RPS6KA2: variants seen among roughly 807,000 people sequenced by gnomAD.
RPS6KA2 encodes the protein ribosomal protein S6 kinase A2.
In RPS6KA2, 42 loss-of-function variants were observed where a neutral mutation model predicts 91.8. The observed-to-expected ratio is 0.46, with a 90% CI of 0.36 to 0.59. The LOEUF is 0.59. Among genes scored for constraint, RPS6KA2 ranks in the 20% least tolerant of loss-of-function variants. RPS6KA2 has a pLI of 0.00. For missense variants in RPS6KA2, 798 were observed against 978.5 expected (o/e 0.82, Z 2.46); for synonymous variants, 414 against 393.6 (o/e 1.05, Z -0.61).
rs898602689 is a variant in RPS6KA2 at position 166,500,414 on chromosome 6, C to T, written c.604+473G>A. On this transcript the variant is annotated intron_variant, in intron 7 of 20. Coordinates refer to ENST00000265678, the MANE Select transcript of RPS6KA2 (RefSeq NM_021135.6). This position sits in a 1 kb window ranked among gnomAD's most constrained non-coding sequence, Gnocchi z 4.3. ...AACAGGGAGGGAAGTCACGTGGCCACCACCACGGTCCAGGGAGTGAGAAGG... is the reference window on the plus strand; with the variant it reads ...AACAGGGAGGGAAGTCACGTGGCCATCACCACGGTCCAGGGAGTGAGAAGG... Among the ~76,000 whole-genome samples, 57 of 152,088 alleles carry T rather than the reference C, an allele frequency of 3.7e-4. No individual in the cohort carries two copies. The highest frequency in any genetic ancestry group is 1.4e-3 in the African/African-American group (57 of 41,424).
At chr6:166,596,233 C>T (rs1785528962) in intron 1 of RPS6KA2, among the ~76,000 whole-genome samples, 1 of 152,266 alleles carries the variant, frequency 6.6e-6, no homozygotes, top group East Asian at 1.9e-4. Context: ...AGTTTATGGT[C>T]AATAATACTC....
chr6:166,645,863 C>T (rs972180634), intron 2 of RPS6KA2, among the ~76,000 whole-genome samples: 20 of 152,170 alleles, frequency 1.3e-4, no homozygotes, highest in Non-Finnish European at 2.6e-4. Context: ...ATTTTGCCTC[C>T]CAATGGATAT....
intron 2 of RPS6KA2, among the ~76,000 whole-genome samples, chr6:166,671,593 A>C (rs1033046733): frequency 6.6e-6 from 1 of 152,166 alleles, no homozygotes; most frequent in East Asian, 1.9e-4. Context: ...AAGACTCAAC[A>C]CAGCCTCAGA....
At chr6:166,573,463 TG>T (rs1784749723) in intron 1 of RPS6KA2, among the ~76,000 whole-genome samples, 1 of 152,240 alleles carries the variant, frequency 6.6e-6, no homozygotes, top group African/African-American at 2.4e-5. Context: ...GAAGACGTAC[TG>T]CTGTCTATGT....
chr6:166,693,488 C>T (rs554317774), intron 2 of RPS6KA2, among the ~76,000 whole-genome samples: 54 of 152,330 alleles, frequency 3.5e-4, no homozygotes, highest in Middle Eastern at 6.8e-3. Context: ...GCGCCTCCAT[C>T]GCAAAGCCCC....
chr6:166,634,266 G>A (rs1281865575), intron 2 of RPS6KA2, among the ~76,000 whole-genome samples: 1 of 152,210 alleles, frequency 6.6e-6, no homozygotes, highest in African/African-American at 2.4e-5. Context: ...AGTGGCCACA[G>A]TGATGGAGAG....
intron 2 of RPS6KA2, among the ~76,000 whole-genome samples, chr6:166,802,250 A>G (rs1393207833): frequency 5.3e-5 from 8 of 151,856 alleles, no homozygotes; most frequent in Non-Finnish European, 1.0e-4. Flanking sequence ...AGCCTGGGCA[A>G]CAGAGTGAGA....
rs985179716 is a variant in RPS6KA2 at position 166,437,555 on chromosome 6, C to A, written c.1333-5065G>T. On this transcript the variant is annotated intron_variant, in intron 14 of 20. Coordinates refer to ENST00000265678, the MANE Select transcript of RPS6KA2 (RefSeq NM_021135.6). This position sits in a 1 kb window ranked among gnomAD's most constrained non-coding sequence, Gnocchi z 4.3. Reference sequence around the variant, plus strand: ...CCTACAACCTCCAGAGAAGGGCATTCTCCAGGGGTTGGCCACCCACCACAG... The same window carrying A: ...CCTACAACCTCCAGAGAAGGGCATTATCCAGGGGTTGGCCACCCACCACAG... Among the ~76,000 whole-genome samples the A allele has an allele frequency of 3.9e-5, 6 of 152,222 alleles. No individual in the cohort carries two copies. Among genetic ancestry groups the A allele is most frequent in the Admixed American group, 3.9e-4 (6 of 15,286 alleles).
chr6:166,737,640 C>A lies in RPS6KA2; in HGVS notation c.123+120560G>T, dbSNP rs1195860502. 2.0e-5 allele frequency among the ~76,000 whole-genome samples: 3 copies of A among 152,160 alleles called. No homozygotes were observed. Among genetic ancestry groups the A allele is most frequent in the Non-Finnish European group, 4.4e-5 (3 of 68,024 alleles). The stretch of plus-strand genomic sequence containing the variant: ...AGCTTCTAAGACATTCACTGAGGGG[C>A]CCCTCCCAGCTTTCCAGGCTAACGT... On this transcript the variant is annotated intron_variant, in intron 2 of 21. Transcript: ENST00000503859. This position sits in a 1 kb window ranked among gnomAD's most constrained non-coding sequence, Gnocchi z 4.3.
chr6:166,698,131 T>C (rs1214889536), intron 2 of RPS6KA2, among the ~76,000 whole-genome samples: 2 of 152,178 alleles, frequency 1.3e-5, no homozygotes, highest in African/African-American at 4.8e-5. Context: ...TAGGAAATGC[T>C]GGGGCATATT....
At chr6:166,786,803 T>C (rs1262493327) in intron 2 of RPS6KA2, among the ~76,000 whole-genome samples, 2 of 152,210 alleles carry the variant, frequency 1.3e-5, no homozygotes, top group Non-Finnish European at 2.9e-5. Context: ...AGTTCAGGTG[T>C]TTTATGCTTA....
At chr6:166,487,671 G>A (rs1394900063) in intron 10 of RPS6KA2, among the ~76,000 whole-genome samples, 2 of 152,248 alleles carry the variant, frequency 1.3e-5, no homozygotes, top group Admixed American at 1.3e-4. Flanking sequence ...TGGATTAGAA[G>A]TTGGATGTAA....
rs892301857 is a variant in RPS6KA2, at chr6:166,423,131, C to T, written c.1743+125G>A. 1.1e-6 allele frequency: 1 copy of T among 943,778 alleles called. No homozygotes were observed. The highest frequency in any genetic ancestry group is 1.5e-6 in the Non-Finnish European group (1 of 645,300). The allele number at this position is 943,778 out of a possible 1,614,324, so 58.5% of individuals were successfully genotyped here. A position where few individuals can be genotyped will look rare whatever the true frequency, so the allele number is the denominator to read the frequency against. On this transcript the variant is annotated intron_variant, in intron 17 of 20. Coordinates refer to ENST00000265678, the MANE Select transcript of RPS6KA2 (RefSeq NM_021135.6). This position sits in a 1 kb window ranked among gnomAD's most constrained non-coding sequence, Gnocchi z 4.8. ...GAAGGTTCTCGTTTCTGTTTCCCAA[C>T]ACCACTGCTGACGCAGCTCAAGCCG...
At position 166,533,391 on chromosome 6, in the gene RPS6KA2, G is replaced by A. The variant is rs752711231; in HGVS notation, c.217-2078C>T. Among the ~76,000 whole-genome samples the A allele has an allele frequency of 2.6e-5, 4 of 152,256 alleles. No homozygotes were observed. The highest frequency in any genetic ancestry group is 5.9e-5 in the Non-Finnish European group (4 of 68,050). On this transcript the variant is annotated intron_variant, in intron 2 of 20. Transcript: ENST00000265678. This position sits in a 1 kb window ranked among gnomAD's most constrained non-coding sequence, Gnocchi z 4.0. ...AGGCTGCGTGAGCGTCCCGGTGCCG[G>A]AGAGGCCGCACTGGCAGAGAGGAAC... is the stretch of plus-strand genomic sequence containing the variant.
Position 166,731,626 on chromosome 6 carries a change from G to C in RPS6KA2, c.123+126574C>G, listed in dbSNP as rs192410057. On this transcript the variant is annotated intron_variant, in intron 2 of 21. Coordinates refer to the RPS6KA2 transcript ENST00000503859. ...AGCAGGACAGAGCACACAGCCCCCG[G>C]CATCTCCTGCTTGAGTCGCTCCATT... Among the ~76,000 whole-genome samples, 628 of 152,040 alleles carry C rather than the reference G, an allele frequency of 4.1e-3. 4 individuals are homozygous for C. Among genetic ancestry groups the C allele is most frequent in the African/African-American group, 0.015 (605 of 41,454 alleles).
At chr6:166,498,340 G>C (rs1781871758) in intron 8 of RPS6KA2, among the ~76,000 whole-genome samples, 168 bp downstream of exon 8, 1 of 152,252 alleles carries the variant, frequency 6.6e-6, no homozygotes, top group Admixed American at 6.5e-5. Flanking sequence ...GGGGATGTGG[G>C]ATGGGGAGGA....
chr6:166,853,462 G>A (rs570741260), intron 2 of RPS6KA2, among the ~76,000 whole-genome samples: 3 of 152,218 alleles, frequency 2.0e-5, no homozygotes, highest in African/African-American at 4.8e-5. Flanking sequence ...CCTCTGTGCC[G>A]TGGAAGTGGA....
At position 166,410,525 on chromosome 6, in the gene RPS6KA2, TCTC is replaced by T. The variant is rs1229026965; in HGVS notation, c.*2234_*2236del. Reference sequence around the variant, plus strand: ...CAGCGGAGCAGGGCCAAGCCAGTGTTCTCCTCCGCTGATGCACATCAAATACAT... The same window carrying T: ...CAGCGGAGCAGGGCCAAGCCAGTGTTCTCCGCTGATGCACATCAAATACAT... On this transcript the variant is annotated 3_prime_UTR_variant, in exon 21 of 21. Coordinates refer to ENST00000265678, the MANE Select transcript of RPS6KA2 (RefSeq NM_021135.6). The T allele has an allele frequency of 2.0e-5, 3 of 152,380 alleles. No individual in the cohort carries two copies. The highest frequency in any genetic ancestry group is 2.0e-4 in the Admixed American group (3 of 15,256). 9.4% of individuals were successfully genotyped at this position (152,380 alleles called of 1,614,324 possible).
At chr6:166,430,409 G>A in intron 16 of RPS6KA2, 44 bp downstream of exon 16, 2 of 1,571,152 alleles carry the variant, frequency 1.3e-6, no homozygotes, top group Non-Finnish European at 8.7e-7. Flanking sequence ...TTCCTGCCCT[G>A]AAGCTCCCTC....
Sources: allele counts gnomAD v4.1 joint callset (sites outside exome capture counted in the v4.1 genomes callset), GRCh38; gene constraint gnomAD v4.1.1; non-coding constraint Gnocchi (gnomAD v3.1); transcripts MANE v1.5; gene names NCBI Gene and HGNC (gene_info 2026-07-23, HGNC 2026-07-21).